PRCP: variants seen among roughly 807,000 people sequenced by gnomAD.
PRCP encodes lysosomal Pro-X carboxypeptidase.
Under a neutral mutation model 54.2 loss-of-function variants are expected in PRCP, and 46 were observed. That is an observed-to-expected ratio of 0.85 (90% CI 0.67 to 1.09). The LOEUF (loss-of-function observed/expected upper bound fraction) is 1.09, where lower values mean the gene tolerates loss of function less well. PRCP is among the 50% of genes least tolerant of loss of function. The pLI is 0.00. For missense variants in PRCP, 613 were observed against 596.8 expected (o/e 1.03, Z -0.28); for synonymous variants, 240 against 212.2 (o/e 1.13, Z -1.14).
chr11:82,864,211 G>A (rs1162664766), intron 1 of PRCP, among the ~76,000 whole-genome samples: 1 of 152,194 alleles, frequency 6.6e-6, no homozygotes, highest in Non-Finnish European at 1.5e-5. Context: ...CCTATTTTCT[G>A]AGTGCTTCAC....
chr11:82,880,777 A>G (rs1859730311), intron 1 of PRCP, among the ~76,000 whole-genome samples: 1 of 152,144 alleles, frequency 6.6e-6, no homozygotes, highest in South Asian at 2.1e-4. Context: ...GAATAAATAA[A>G]AGCCTAAAGA....
intron 1 of PRCP, among the ~76,000 whole-genome samples, chr11:82,879,116 C>A (rs1859682734): frequency 6.6e-6 from 1 of 152,174 alleles, no homozygotes; most frequent in South Asian, 2.1e-4. Flanking sequence ...TGGATAATAT[C>A]CTGCAGAGTG....
intron 1 of PRCP, among the ~76,000 whole-genome samples, chr11:82,873,380 A>T (rs1176151562): frequency 6.6e-6 from 1 of 152,214 alleles, no homozygotes; most frequent in Non-Finnish European, 1.5e-5. Context: ...AGTGGCCCTG[A>T]CTGTGGGCAT....
chr11:82,851,732 G>A (rs1292163133), intron 3 of PRCP, among the ~76,000 whole-genome samples: 1 of 152,058 alleles, frequency 6.6e-6, no homozygotes, highest in Non-Finnish European at 1.5e-5. Context: ...TACCCTGTTT[G>A]ACTTTCATGC....
At chr11:82,882,200 G>A (rs1859761862) in intron 1 of PRCP, among the ~76,000 whole-genome samples, 1 of 152,044 alleles carries the variant, frequency 6.6e-6, no homozygotes, top group Non-Finnish European at 1.5e-5. Flanking sequence ...GAGGTGAAAG[G>A]GGAGACAGAA....
intron 7 of PRCP, 34 bp from the exon 8 acceptor site, chr11:82,838,608 A>G (rs1028367093): frequency 6.3e-7 from 1 of 1,577,226 alleles, no homozygotes; most frequent in Non-Finnish European, 8.6e-7. Flanking sequence ...TCCAATTAGA[A>G]AAATGAGGCA....
At chr11:82,879,430 T>A (rs1859692858) in intron 1 of PRCP, among the ~76,000 whole-genome samples, 1 of 152,262 alleles carries the variant, frequency 6.6e-6, no homozygotes, top group Non-Finnish European at 1.5e-5. Context: ...GCCATTCGTC[T>A]AATCTTTTTT....
In PRCP at chr11:82,838,475, G is replaced by A. The variant is rs150477159; in HGVS notation, c.1186C>T (p.Gln396Ter). Residue 396 changes from glutamine (Q) to a stop codon, truncating the protein, a stop_gained, in exon 8 of 9, where the codon CAA (glutamine) becomes TAA (stop). Transcript: ENST00000313010. LOFTEE classifies it high-confidence loss of function. ...GGCCTTGGTCTCACACCCCACTGTT[G>A]AAAACAGTCATCAGAAAGTTCCTTT... ...NLKELSDDCFQQWGVRPRPSW... is the reference protein window; with the variant it reads ...NLKELSDDCF 57 of 1,613,834 alleles carry A rather than the reference G, an allele frequency of 3.5e-5. No individual in the cohort carries two copies. Among genetic ancestry groups the A allele is most frequent in the Non-Finnish European group, 4.7e-5 (55 of 1,179,860 alleles).
At chr11:82,882,492 T>C (rs1190134555) in intron 1 of PRCP, among the ~76,000 whole-genome samples, 1 of 145,658 alleles carries the variant, frequency 6.9e-6, no homozygotes, top group Admixed American at 6.8e-5. Context: ...ACTGAGCCAG[T>C]TCTTTTTTTT....
chr11:82,877,437 G>T (rs1859634139), intron 1 of PRCP, among the ~76,000 whole-genome samples: 1 of 152,168 alleles, frequency 6.6e-6, no homozygotes, highest in African/African-American at 2.4e-5. Flanking sequence ...TCCTATCACA[G>T]GCCTGGAGCC....
chr11:82,892,188 G>C (rs2121275298), intron 1 of PRCP, among the ~76,000 whole-genome samples: 1 of 152,176 alleles, frequency 6.6e-6, no homozygotes, highest in South Asian at 2.1e-4. Flanking sequence ...GATCTTGAAA[G>C]AAACAGATAA....
chr11:82,873,150 C>A (rs1859520289), intron 1 of PRCP, among the ~76,000 whole-genome samples: 1 of 150,710 alleles, frequency 6.6e-6, no homozygotes, highest in African/African-American at 2.5e-5. Flanking sequence ...ATTATGAGAA[C>A]AAGCCAGGCT....
chr11:82,863,293 TGTAA>T (rs1337687345), intron 1 of PRCP, among the ~76,000 whole-genome samples: 3 of 152,252 alleles, frequency 2.0e-5, no homozygotes, highest in Non-Finnish European at 4.4e-5. Flanking sequence ...CCTGAAATAC[TGTAA>T]GTATCTCATC....
chr11:82,840,179 T>TA (rs761971703), intron 6 of PRCP: 1 of 152,078 alleles, frequency 6.6e-6, no homozygotes, highest in Non-Finnish European at 1.5e-5. Context: ...CACTATCCTA[T>TA]AAAAAATGCC....
chr11:82,898,598 T>TTTGG (rs1860173850), intron 1 of PRCP, among the ~76,000 whole-genome samples: 1 of 152,186 alleles, frequency 6.6e-6, no homozygotes, highest in East Asian at 1.9e-4. Flanking sequence ...GAGCACCTAA[T>TTTGG]TTGGCCTCCA....
intron 1 of PRCP, among the ~76,000 whole-genome samples, chr11:82,885,614 A>C (rs1248300112): frequency 6.6e-6 from 1 of 152,252 alleles, no homozygotes. Flanking sequence ...TAAAGAAAAC[A>C]AAATACTTAG....
intron 1 of PRCP, among the ~76,000 whole-genome samples, chr11:82,898,544 T>C (rs776246199): frequency 5.3e-5 from 8 of 152,162 alleles, no homozygotes; most frequent in African/African-American, 9.7e-5. Context: ...AATCCCAGCA[T>C]ATAAAACAGG....
intron 1 of PRCP, among the ~76,000 whole-genome samples, chr11:82,898,218 T>C (rs1471470729): frequency 1.3e-5 from 2 of 152,182 alleles, no homozygotes; most frequent in Non-Finnish European, 2.9e-5. Context: ...GGAATCTGTA[T>C]CCTAAAATAT....
intron 1 of PRCP, among the ~76,000 whole-genome samples, chr11:82,878,169 T>C (rs764166774): frequency 6.6e-6 from 1 of 152,224 alleles, no homozygotes; most frequent in African/African-American, 2.4e-5. Context: ...ATTTACCCAA[T>C]ACCTGTACCC....
Sources: allele counts gnomAD v4.1 joint callset (sites outside exome capture counted in the v4.1 genomes callset), GRCh38; gene constraint gnomAD v4.1.1; transcripts MANE v1.5; gene names NCBI Gene and HGNC (gene_info 2026-07-23, HGNC 2026-07-21).